ADGRL2: variants seen among roughly 807,000 people sequenced by gnomAD.
ADGRL2 encodes the protein adhesion G protein-coupled receptor L2.
Under a neutral mutation model 157.4 loss-of-function variants are expected in ADGRL2, and 44 were observed. The ratio of observed to expected loss-of-function variants is 0.28; its 90% CI spans 0.22 to 0.36. The LOEUF (loss-of-function observed/expected upper bound fraction) is 0.36. Ranked by LOEUF, ADGRL2 falls within the 10% of genes least tolerant of loss-of-function variation. ADGRL2 has a pLI of 1.00. For synonymous variants in ADGRL2, 585 were observed against 624.7 expected (o/e 0.94, Z 0.95); for missense variants, 1,510 against 1,768.9 (o/e 0.85, Z 2.63).
chr1:81,903,019 A>G (rs1012140142), intron 2 of ADGRL2, among the ~76,000 whole-genome samples: 1 of 152,226 alleles, frequency 6.6e-6, no homozygotes, highest in Non-Finnish European at 1.5e-5. Context: ...TTGGAATAGC[A>G]TGTGTACTTG....
intron 1 of ADGRL2, chr1:81,426,845 G>T: frequency 1.8e-6 from 1 of 563,838 alleles, no homozygotes; most frequent in Non-Finnish European, 3.4e-6. Context: ...AATTTCCTTG[G>T]TGGTATTAAA....
chr1:81,374,314 TA>T (rs11341378), intron 1 of ADGRL2, among the ~76,000 whole-genome samples: 38,406 of 151,924 alleles, frequency 0.25, 6,231 homozygotes, highest in African/African-American at 0.46. Flanking sequence ...CTCACGCCTA[TA>T]AATCCCAGCA....
intron 1 of ADGRL2, among the ~76,000 whole-genome samples, chr1:81,803,419 A>T (rs1299199614): frequency 6.6e-6 from 1 of 151,864 alleles, no homozygotes; most frequent in East Asian, 1.9e-4. Flanking sequence ...AGTGTCGCTG[A>T]GTGGAGGCTT....
intron 2 of ADGRL2, among the ~76,000 whole-genome samples, chr1:81,522,064 C>T (rs566843840): frequency 2.5e-4 from 38 of 151,358 alleles, no homozygotes; most frequent in South Asian, 4.2e-4. Context: ...TCCTGGGTTC[C>T]GGCGATTCTC....
intron 15 of ADGRL2, 85 bp from the exon 16 acceptor site, chr1:81,970,229 C>A (rs1247158724): frequency 6.9e-6 from 6 of 871,046 alleles, no homozygotes; most frequent in Admixed American, 3.7e-5. Context: ...ATAGTGATTT[C>A]TCTTAGTGAG....
intron 2 of ADGRL2, among the ~76,000 whole-genome samples, chr1:81,506,736 AC>A (rs1172897868): frequency 2.7e-5 from 4 of 150,804 alleles, no homozygotes; most frequent in Admixed American, 2.6e-4. Flanking sequence ...ACAAAACAAA[AC>A]AAAACAAAAC....
At chr1:81,489,779 T>C (rs896433997) in intron 2 of ADGRL2, among the ~76,000 whole-genome samples, 13 of 152,176 alleles carry the variant, frequency 8.5e-5, no homozygotes. Flanking sequence ...CATTAGAAAT[T>C]GTAGAGGCCC....
At chr1:81,837,292 A>G (rs536275096) in intron 2 of ADGRL2, among the ~76,000 whole-genome samples, 1 of 152,142 alleles carries the variant, frequency 6.6e-6, no homozygotes, top group African/African-American at 2.4e-5. Flanking sequence ...AAATATAACC[A>G]TTCTAAATAA....
At chr1:81,524,912 A>G (rs894358166) in intron 2 of ADGRL2, among the ~76,000 whole-genome samples, 4 of 152,132 alleles carry the variant, frequency 2.6e-5, no homozygotes, top group African/African-American at 7.2e-5. Flanking sequence ...CTTAAAAAAA[A>G]ATAAAAATAG....
intron 2 of ADGRL2, among the ~76,000 whole-genome samples, chr1:81,893,920 A>C (rs1242811897): frequency 2.6e-5 from 4 of 152,196 alleles, no homozygotes; most frequent in Admixed American, 6.5e-5. Flanking sequence ...TAGCAAACAC[A>C]AAAATGGTAA....
chr1:81,761,345 G>A (rs2085874703), intron 1 of ADGRL2, among the ~76,000 whole-genome samples: 1 of 151,780 alleles, frequency 6.6e-6, no homozygotes, highest in African/African-American at 2.4e-5. Context: ...TTTTAACAGA[G>A]AGATATGATC....
chr1:81,803,518 C>T (rs2088636317), intron 1 of ADGRL2, among the ~76,000 whole-genome samples: 1 of 152,104 alleles, frequency 6.6e-6, no homozygotes, highest in South Asian at 2.1e-4. Flanking sequence ...CATAGCCTTT[C>T]TCTTTTTAGG....
intron 3 of ADGRL2, among the ~76,000 whole-genome samples, chr1:81,586,697 A>G (rs1002583660): frequency 5.9e-5 from 9 of 152,094 alleles, no homozygotes; most frequent in Non-Finnish European, 1.3e-4. Context: ...AAACTGACCA[A>G]TTAAATTGGC....
At chr1:81,394,572 G>A (rs148709275) in intron 1 of ADGRL2, among the ~76,000 whole-genome samples, 10 of 152,172 alleles carry the variant, frequency 6.6e-5, no homozygotes, top group East Asian at 5.8e-4. Context: ...ATATTATTCC[G>A]TTGTGTATAT....
chr1:81,474,484 C>T (rs995382195), intron 2 of ADGRL2, among the ~76,000 whole-genome samples: 1 of 152,122 alleles, frequency 6.6e-6, no homozygotes, highest in African/African-American at 2.4e-5. Flanking sequence ...TCCTGGTATG[C>T]CTACAGAGTC....
intron 2 of ADGRL2, among the ~76,000 whole-genome samples, chr1:81,846,498 A>G (rs1248139553): frequency 6.6e-6 from 1 of 151,682 alleles, no homozygotes; most frequent in Non-Finnish European, 1.5e-5. Context: ...CCTGGAAAAA[A>G]AAGAAGGGAT....
At chr1:81,764,429 A>C (rs1444268929) in intron 2 of ADGRL2, among the ~76,000 whole-genome samples, 1 of 152,160 alleles carries the variant, frequency 6.6e-6, no homozygotes, top group Non-Finnish European at 1.5e-5. Flanking sequence ...CTCTAGAACT[A>C]AGCCAAAAAT....
chr1:81,604,028 A>G (rs1439025496), intron 3 of ADGRL2, among the ~76,000 whole-genome samples: 1 of 148,302 alleles, frequency 6.7e-6, no homozygotes, highest in Non-Finnish European at 1.5e-5. Context: ...CAGTGGCATG[A>G]TCTCACCTCA....
At chr1:81,773,168 T>C (rs2086445259) in intron 2 of ADGRL2, among the ~76,000 whole-genome samples, 1 of 152,178 alleles carries the variant, frequency 6.6e-6, no homozygotes, top group Non-Finnish European at 1.5e-5. Context: ...TCAATTGATG[T>C]ATCCCAAGCA....
Sources: gnomAD v4.1 joint callset for allele counts (sites outside exome capture counted in the v4.1 genomes callset) on GRCh38, gnomAD v4.1.1 for gene constraint, MANE v1.5 for transcripts, NCBI Gene and HGNC (gene_info 2026-07-23, HGNC 2026-07-21) for gene names.